The following VDAC1 variants were observed in gnomAD, a reference collection of about 807,000 sequenced individuals.
VDAC1 encodes voltage dependent anion channel 1.
A neutral mutation model predicts 34.7 loss-of-function variants in VDAC1; 10 were observed. The ratio of observed to expected loss-of-function variants is 0.29; its 90% confidence interval spans 0.18 to 0.49. VDAC1 has a LOEUF of 0.49. Among genes scored for constraint, VDAC1 ranks in the 20% least tolerant of loss-of-function variants. VDAC1 has a pLI of 0.99. For synonymous variants in VDAC1, 130 were observed against 136.0 expected, an observed-to-expected ratio of 0.96 and a Z score of 0.30; for missense variants, 230 against 347.9, an observed-to-expected ratio of 0.66 and a Z score of 2.69.
the VDAC1 span, among the ~76,000 whole-genome samples, chr5:134,101,514 C>T: frequency 6.6e-6 from 1 of 151,318 alleles, no homozygotes; most frequent in East Asian, 1.9e-4. Flanking sequence ...GAGCCGAGAT[C>T]CACCACCACA....
At chr5:134,079,239 G>T in the VDAC1 span, among the ~76,000 whole-genome samples, 1 of 151,898 alleles carries the variant, frequency 6.6e-6, no homozygotes, top group Non-Finnish European at 1.5e-5. Context: ...TCAGCCTCCC[G>T]CAGTGCTGGG....
chr5:133,980,823 A>T lies in VDAC1; in HGVS notation c.457T>A (p.Tyr153Asn). 1 of 1,613,234 alleles carries T rather than the reference A, an allele frequency of 6.2e-7. No homozygotes were observed. The highest frequency in any genetic ancestry group is 8.5e-7 in the Non-Finnish European group (1 of 1,179,838). Residue 153 changes from tyrosine (Y) to asparagine (N), a missense_variant, in exon 6 of 9, where the codon TAC becomes AAC. By Grantham distance (143) the Tyr-to-Asn change is moderately radical. Coordinates refer to ENST00000265333, the MANE Select transcript of VDAC1 (RefSeq NM_003374.3). Reference sequence around the variant, plus strand: ...TTTGCAGTCTCAAAATTCATCTGGTAGCCGGCCAGCCAGCCCTCGTAACCT... The same window carrying T: ...TTTGCAGTCTCAAAATTCATCTGGTTGCCGGCCAGCCAGCCCTCGTAACCT... ...VLGYEGWLAG[Y>N]QMNFETAKSR...
chr5:134,079,623 A>G, the VDAC1 span, among the ~76,000 whole-genome samples: 1 of 152,196 alleles, frequency 6.6e-6, no homozygotes, highest in Admixed American at 6.5e-5. Context: ...ATTTCAATCT[A>G]AATTAGTTGG....
the VDAC1 span, among the ~76,000 whole-genome samples, chr5:134,083,378 G>A: frequency 6.6e-6 from 1 of 151,946 alleles, no homozygotes; most frequent in Non-Finnish European, 1.5e-5. Context: ...TAGCAGAGAT[G>A]GGGGTTTCAC....
At chr5:134,098,773 T>G in the VDAC1 span, among the ~76,000 whole-genome samples, 1 of 152,218 alleles carries the variant, frequency 6.6e-6, no homozygotes, top group Non-Finnish European at 1.5e-5. Flanking sequence ...CAGCTCCTAC[T>G]CTTACCCTGA....
chr5:134,084,329 G>A, the VDAC1 span, among the ~76,000 whole-genome samples: 2 of 152,190 alleles, frequency 1.3e-5, no homozygotes, highest in African/African-American at 4.8e-5. Context: ...GGGCCTCCGG[G>A]AGCAGCTCCT....
the VDAC1 span, among the ~76,000 whole-genome samples, chr5:134,024,145 G>A: frequency 6.7e-6 from 1 of 149,082 alleles, no homozygotes; most frequent in Non-Finnish European, 1.5e-5. Flanking sequence ...TCCATCTCCA[G>A]AGGAAAAAAA....
At chr5:134,084,765 A>AG in the VDAC1 span, among the ~76,000 whole-genome samples, 433 of 152,406 alleles carry the variant, frequency 2.8e-3, 1 homozygote, top group Non-Finnish European at 4.9e-3. Context: ...AAAACCTGCC[A>AG]GGGGTTAGGC....
At chr5:134,066,930 T>C in the VDAC1 span, among the ~76,000 whole-genome samples, 4 of 152,248 alleles carry the variant, frequency 2.6e-5, no homozygotes, top group African/African-American at 9.6e-5. Context: ...AAATATCCAT[T>C]CCCCTGCTAG....
At chr5:134,071,485 C>T in the VDAC1 span, among the ~76,000 whole-genome samples, 2 of 152,212 alleles carry the variant, frequency 1.3e-5, no homozygotes, top group African/African-American at 4.8e-5. This position sits in a 1 kb window ranked among gnomAD's most constrained non-coding sequence, Gnocchi z 4.1. Context: ...TCATTCCCAC[C>T]TAGAGACCCT....
upstream of VDAC1, among the ~76,000 whole-genome samples, chr5:134,007,176 G>A (rs910957799): frequency 2.4e-4 from 36 of 151,788 alleles, no homozygotes; most frequent in Non-Finnish European, 4.7e-4. Flanking sequence ...CCCAGGAGGC[G>A]GAGGTTGCGG....
chr5:133,976,245 C>T (rs1442609862), intron 6 of VDAC1: 4 of 496,280 alleles, frequency 8.1e-6, no homozygotes, highest in East Asian at 3.6e-5. Flanking sequence ...GTGGCTCACA[C>T]CTGTAATCCC....
chr5:134,004,163 G>A (rs1400757305), intron 1 of VDAC1, among the ~76,000 whole-genome samples: 1 of 152,030 alleles, frequency 6.6e-6, no homozygotes, highest in Non-Finnish European at 1.5e-5. Context: ...GGGGACTCGG[G>A]GCCACGGTCG....
At chr5:134,108,117 G>C in the VDAC1 span, among the ~76,000 whole-genome samples, 1 of 152,214 alleles carries the variant, frequency 6.6e-6, no homozygotes, top group Non-Finnish European at 1.5e-5. Flanking sequence ...GACCTGGGGA[G>C]GCGGGGAGGC....
the VDAC1 span, among the ~76,000 whole-genome samples, chr5:134,103,247 G>C: frequency 6.6e-6 from 1 of 152,034 alleles, no homozygotes; most frequent in Admixed American, 6.6e-5. Context: ...TCAGCCTCCC[G>C]AGTAGCTGGG....
At position 133,972,189 on chromosome 5, in the gene VDAC1, A is replaced by T. The variant is rs1752320888; in HGVS notation, c.*582T>A. ...AAGGGCCAAAAAAAAACACAACACA[A>T]GAAGGAATAAGTCCTGAATTATTGG... On this transcript the variant is annotated 3_prime_UTR_variant, in exon 9 of 9. Coordinates refer to ENST00000265333, the MANE Select transcript of VDAC1 (RefSeq NM_003374.3). 6.3e-6 allele frequency: 1 copy of T among 157,556 alleles called. No homozygotes were observed. Among genetic ancestry groups the T allele is most frequent in the Middle Eastern group, 2.9e-3 (1 of 348 alleles). 9.8% of individuals were successfully genotyped at this position (157,556 alleles called of 1,614,324 possible). A position where few individuals can be genotyped will look rare whatever the true frequency, so the allele number is the denominator to read the frequency against.
the VDAC1 span, among the ~76,000 whole-genome samples, chr5:134,088,885 T>C: frequency 1.3e-5 from 2 of 152,216 alleles, no homozygotes; most frequent in African/African-American, 4.8e-5. Context: ...GTGAACTTCA[T>C]ACGAATGGAC....
upstream of VDAC1, among the ~76,000 whole-genome samples, chr5:134,008,210 GC>G (rs1753786742): frequency 6.6e-6 from 1 of 152,016 alleles, no homozygotes; most frequent in Non-Finnish European, 1.5e-5. Flanking sequence ...AATTCCTGGG[GC>G]TACAGGAATA....
chr5:134,038,127 C>G, the VDAC1 span, among the ~76,000 whole-genome samples: 1 of 152,012 alleles, frequency 6.6e-6, no homozygotes, highest in Non-Finnish European at 1.5e-5. Context: ...AACAAGGAAA[C>G]AAGCACATAA....
Sources: gnomAD v4.1 joint callset for allele counts (sites outside exome capture counted in the v4.1 genomes callset) on GRCh38, gnomAD v4.1.1 for gene constraint, Gnocchi (gnomAD v3.1) non-coding constraint, MANE v1.5 for transcripts, NCBI Gene and HGNC (gene_info 2026-07-23, HGNC 2026-07-21) for gene names.